The following DNTTIP2 variants were observed in gnomAD, a reference collection of about 807,000 sequenced individuals.
DNTTIP2 encodes the protein deoxynucleotidyltransferase terminal-interacting protein 2.
Under a neutral mutation model 62.4 loss-of-function variants are expected in DNTTIP2, and 47 were observed. That is an observed-to-expected ratio of 0.75 (90% CI 0.60 to 0.96). The LOEUF (loss-of-function observed/expected upper bound fraction) is 0.96. DNTTIP2 is among the 40% of genes least tolerant of loss of function. The pLI, the probability that DNTTIP2 is intolerant of heterozygous loss-of-function variation, is 0.00. For synonymous variants in DNTTIP2, 322 were observed against 300.9 expected (o/e 1.07, Z -0.73); for missense variants, 870 against 849.1 (o/e 1.02, Z -0.31).
chr1:93,872,300 C>A, intron 4 of DNTTIP2, 64 bp from the exon 5 acceptor site: 1 of 1,503,108 alleles, frequency 6.7e-7, no homozygotes, highest in Non-Finnish European at 9.0e-7. Flanking sequence ...AATTCATTTC[C>A]CCTGAAGTAA....
intron 3 of DNTTIP2, among the ~76,000 whole-genome samples, chr1:93,874,604 G>T (rs369211363): frequency 6.6e-6 from 1 of 152,286 alleles, no homozygotes; most frequent in African/African-American, 2.4e-5. Context: ...GGGTGGGGTA[G>T]AGAGGTACTT....
intron 3 of DNTTIP2, 76 bp from the exon 4 acceptor site, chr1:93,873,290 A>C: frequency 8.1e-7 from 1 of 1,230,374 alleles, no homozygotes; most frequent in South Asian, 1.3e-5. Flanking sequence ...AACTTCTGTA[A>C]GTTTTAAAAT....
rs761766261 is a variant in DNTTIP2, at chr1:93,876,645, C to T, written c.1290G>A (p.Ala430=). 10 of 1,613,864 alleles carry T rather than the reference C, an allele frequency of 6.2e-6. No homozygotes were observed. In the African/African-American group the frequency reaches 6.7e-5, roughly 11 times the overall value. ...FECDTKLYTS[A]PNTSQGKDNS... is the part of the protein sequence containing the mutation. ...TATCTTTACCCTGAGATGTGTTGGG[C>T]GCAGACGTGTATAGTTTGGTATCAC... The change falls in exon 2 of 7, where the codon GCG becomes GCA. Residue 430 remains alanine, a synonymous_variant. Transcript: ENST00000436063.
rs1476640145 is a variant in DNTTIP2, at chr1:93,876,788, T to A, written c.1147A>T (p.Ile383Leu). ...AACTTTGTCAAGTCACTTGCTTTTA[T>A]GGGGCTCTTTTTGTTGTTATTCCAT... Reference protein sequence around the residue: ...GRWNNNKKSPIKASDLTKFGD... With the variant: ...GRWNNNKKSPLKASDLTKFGD... Residue 383 changes from isoleucine (I) to leucine (L), a missense_variant, in exon 2 of 7, where the codon ATA (isoleucine) becomes TTA (leucine). Transcript: ENST00000436063. 6.2e-7 allele frequency: 1 copy of A among 1,613,822 alleles called. No individual in the cohort carries two copies. The highest frequency in any genetic ancestry group is 1.3e-5 in the African/African-American group (1 of 74,922).
rs755022680 is a variant in DNTTIP2, at chr1:93,877,580, C to A, written c.355G>T (p.Val119Leu). 6.2e-7 allele frequency: 1 copy of A among 1,613,998 alleles called. No individual in the cohort carries two copies. The highest frequency in any genetic ancestry group is 2.2e-5 in the East Asian group (1 of 44,886). ...TTCGGCTTTTTCCTAACACTGGACA[C>A]TGGGGAGCATGCAATTAAGATCTGC... Reference protein sequence around the residue: ...RRQILIACSPVSSVRKKPKVT... With the variant: ...RRQILIACSPLSSVRKKPKVT... Residue 119 changes from valine to leucine, a missense_variant, in exon 2 of 7, where the codon GTG (valine) becomes TTG (leucine). Val to Leu is a conservative substitution (Grantham distance 32). Coordinates refer to ENST00000436063, the MANE Select transcript of DNTTIP2 (RefSeq NM_014597.5).
rs907687589 is a variant in DNTTIP2, at chr1:93,866,841, CTTTGT to C, written c.*3005_*3009del. On this transcript the variant is annotated 3_prime_UTR_variant, in exon 7 of 7. Transcript: ENST00000436063. ...ATCAACTGTAGTCTTACAGCATCTA[CTTTGT>C]TTTAAGAACATTTTGGGCCAGACGT... The C allele has an allele frequency of 5.3e-5, 8 of 152,168 alleles. No individual in the cohort carries two copies. The highest frequency in any genetic ancestry group is 1.2e-4 in the African/African-American group (5 of 41,428). The allele number at this position is 152,168 out of a possible 1,614,324, so 9.4% of individuals were successfully genotyped here.
chr1:93,877,218 T>C lies in DNTTIP2; in HGVS notation c.717A>G (p.Ser239=). ...IVGTPVNSED[S]DTRQTSHLQA... ...GTAAATGGGAAGTTTGTCTGGTATC[T>C]GAATCCTCTGAATTCACAGGTGTAC... Residue 239 remains serine, a synonymous_variant, in exon 2 of 7, where the codon TCA becomes TCG. Coordinates refer to ENST00000436063, the MANE Select transcript of DNTTIP2 (RefSeq NM_014597.5). The C allele has an allele frequency of 6.2e-7, 1 of 1,613,942 alleles. No homozygotes were observed. Among genetic ancestry groups the C allele is most frequent in the Non-Finnish European group, 8.5e-7 (1 of 1,179,868 alleles).
intron 5 of DNTTIP2, 191 bp from the exon 6 acceptor site, chr1:93,870,983 C>T: frequency 2.7e-6 from 1 of 375,848 alleles, no homozygotes; most frequent in Non-Finnish European, 4.8e-6. Flanking sequence ...TATGTTTCTT[C>T]AGTAGTTTAT....
chr1:93,879,040 C>A (rs780780185), intron 1 of DNTTIP2, 37 bp downstream of exon 1: 4 of 1,609,898 alleles, frequency 2.5e-6, no homozygotes, highest in Middle Eastern at 1.7e-4. Context: ...CGCGGCTCTG[C>A]GAAGCGGCGA....
At chr1:93,870,846 A>G in intron 5 of DNTTIP2, 54 bp from the exon 6 acceptor site, 1 of 868,240 alleles carries the variant, frequency 1.2e-6, no homozygotes, top group Non-Finnish European at 1.8e-6. Context: ...ATGCTTTCAT[A>G]CTTCAGTGTA....
At chr1:93,875,500 G>A (rs1020640976) in intron 3 of DNTTIP2, 145 bp downstream of exon 3, 17 of 715,956 alleles carry the variant, frequency 2.4e-5, no homozygotes, top group Middle Eastern at 3.9e-4. Context: ...ATTGTAAAAA[G>A]AAATGACTGT....
At position 93,868,166 on chromosome 1, in the gene DNTTIP2, C is replaced by T. The variant is rs1571180396; in HGVS notation, c.*1685G>A. The T allele has an allele frequency of 6.6e-6, 1 of 152,022 alleles. No individual in the cohort carries two copies. Among genetic ancestry groups the T allele is most frequent in the Admixed American group, 6.6e-5 (1 of 15,254 alleles). 9.4% of individuals were successfully genotyped at this position (152,022 alleles called of 1,614,324 possible). A position where few individuals can be genotyped will look rare whatever the true frequency, so the allele number is the denominator to read the frequency against. On this transcript the variant is annotated 3_prime_UTR_variant, in exon 7 of 7. Coordinates refer to ENST00000436063, the MANE Select transcript of DNTTIP2 (RefSeq NM_014597.5). Reference sequence around the variant, plus strand: ...ACTTAAACAAATTTACAAGAAAAAACCCCATCAAAAAGTGGGTGAAGGATA... The same window carrying T: ...ACTTAAACAAATTTACAAGAAAAAATCCCATCAAAAAGTGGGTGAAGGATA...
rs947027071 is a variant in DNTTIP2 at position 93,869,794 on chromosome 1, G to A, written c.*57C>T. The A allele has an allele frequency of 2.1e-5, 16 of 750,674 alleles. No individual in the cohort carries two copies. Among genetic ancestry groups the A allele is most frequent in the Middle Eastern group, 2.3e-4 (1 of 4,366 alleles). The allele number at this position is 750,674 out of a possible 1,614,324, so 46.5% of individuals were successfully genotyped here. A position where few individuals can be genotyped will look rare whatever the true frequency, so the allele number is the denominator to read the frequency against. ...AGATGATGGTGTTAGTTTTCCAAACGTCTTTAATAAGTAAATAAAGGAGCA... is the reference window on the plus strand; with the variant it reads ...AGATGATGGTGTTAGTTTTCCAAACATCTTTAATAAGTAAATAAAGGAGCA... On this transcript the variant is annotated 3_prime_UTR_variant, in exon 7 of 7. Transcript: ENST00000436063.
Position 93,877,254 on chromosome 1 carries a change from T to C in DNTTIP2, c.681A>G (p.Lys227=). ...AATTCACAGGTGTACCCACGATCTG[T>C]TTCTCATTTCCTGGTACAATCTTAC... The part of the protein sequence containing the change: ...KDSKIVPGNE[K]QIVGTPVNSE... The change falls in exon 2 of 7, where the codon AAA becomes AAG. Residue 227 remains lysine (K), a synonymous_variant. Transcript: ENST00000436063. 1 of 1,613,934 alleles carries C rather than the reference T, an allele frequency of 6.2e-7. No individual in the cohort carries two copies. The highest frequency in any genetic ancestry group is 8.5e-7 in the Non-Finnish European group (1 of 1,179,870).
chr1:93,868,039 A>G lies in DNTTIP2; in HGVS notation c.*1812T>C, dbSNP rs1655764839. Reference sequence around the variant, plus strand: ...TTAAACTAAAGAGTTTCTGCACAGCAAAAGAAACTATTATCAGAGTGCACA... The same window carrying G: ...TTAAACTAAAGAGTTTCTGCACAGCGAAAGAAACTATTATCAGAGTGCACA... On this transcript the variant is annotated 3_prime_UTR_variant, in exon 7 of 7. Coordinates refer to ENST00000436063, the MANE Select transcript of DNTTIP2 (RefSeq NM_014597.5). The G allele has an allele frequency of 6.6e-6, 1 of 152,194 alleles. No homozygotes were observed. The highest frequency in any genetic ancestry group is 2.1e-4 in the South Asian group (1 of 4,830). The allele number at this position is 152,194 out of a possible 1,614,324, so 9.4% of individuals were successfully genotyped here. A position where few individuals can be genotyped will look rare whatever the true frequency, so the allele number is the denominator to read the frequency against.
intron 5 of DNTTIP2, among the ~76,000 whole-genome samples, chr1:93,871,599 T>C (rs1332426610): frequency 6.6e-6 from 1 of 152,190 alleles, no homozygotes; most frequent in East Asian, 1.9e-4. Context: ...GAAAGGCAGG[T>C]GAACTAGTTT....
intron 3 of DNTTIP2, among the ~76,000 whole-genome samples, chr1:93,874,557 G>T (rs1280515533): frequency 1.3e-5 from 2 of 152,216 alleles, no homozygotes; most frequent in Non-Finnish European, 2.9e-5. Context: ...GGCAACTACA[G>T]TAGTCTTCAG....
At chr1:93,875,348 T>C (rs1172156707) in intron 3 of DNTTIP2, among the ~76,000 whole-genome samples, 1 of 152,146 alleles carries the variant, frequency 6.6e-6, no homozygotes, top group East Asian at 1.9e-4. Context: ...TCTACACTAG[T>C]TAAGAACTTA....
Position 93,876,679 on chromosome 1 carries a change from T to G in DNTTIP2, c.1256A>C (p.Asp419Ala). The G allele has an allele frequency of 1.9e-6, 3 of 1,614,046 alleles. No individual in the cohort carries two copies. Among genetic ancestry groups the G allele is most frequent in the Non-Finnish European group, 2.5e-6 (3 of 1,179,894 alleles). The change falls in exon 2 of 7, where the codon GAT becomes GCT. Residue 419 changes from aspartate (D) to alanine (A), a missense_variant. By Grantham distance (126) the Asp-to-Ala change is moderately radical (BLOSUM62 -2). Coordinates refer to ENST00000436063, the MANE Select transcript of DNTTIP2 (RefSeq NM_014597.5). ...SEDMNSEGNV[D>A]FECDTKLYTS... ...GTATAGTTTGGTATCACATTCAAAA[T>G]CTACATTCCCTTCACTGTTCATGTC...
Sources: allele counts gnomAD v4.1 joint callset (sites outside exome capture counted in the v4.1 genomes callset), GRCh38; gene constraint gnomAD v4.1.1; transcripts MANE v1.5; gene names NCBI Gene and HGNC (gene_info 2026-07-23, HGNC 2026-07-21).